SLC44A2: variants seen among roughly 807,000 people sequenced by gnomAD.
The protein encoded by SLC44A2 is choline transporter-like protein 2.
Under a neutral mutation model 90.8 loss-of-function variants are expected in SLC44A2, and 57 were observed. The observed-to-expected ratio is 0.63, with a 90% confidence interval of 0.51 to 0.78. SLC44A2 has a LOEUF of 0.78. Among genes scored for constraint, SLC44A2 ranks in the 30% least tolerant of loss-of-function variants. The probability of loss-of-function intolerance (pLI) is 0.00; values close to 1 mark genes in which losing one functional copy is unlikely to be tolerated. For synonymous variants in SLC44A2, 355 were observed against 360.7 expected (o/e 0.98, Z 0.18); for missense variants, 794 against 919.7 (o/e 0.86, Z 1.77).
At position 10,631,650 on chromosome 19, in the gene SLC44A2, T is replaced by G; in HGVS notation, c.527T>G (p.Ile176Ser). 8.7e-6 allele frequency: 14 copies of G among 1,613,756 alleles called. No individual in the cohort carries two copies. Among genetic ancestry groups the G allele is most frequent in the Non-Finnish European group, 1.2e-5 (14 of 1,180,030 alleles). Reference sequence around the variant, plus strand: ...GTGGCCCGGAGATGCTTCCCCGCTATCCACGCCTACAAGGGTGTCCTGATG... The same window carrying G: ...GTGGCCCGGAGATGCTTCCCCGCTAGCCACGCCTACAAGGGTGTCCTGATG... Reference protein sequence around the residue: ...KPLARRCFPAIHAYKGVLMVG... With the variant: ...KPLARRCFPASHAYKGVLMVG... Residue 176 changes from isoleucine (I) to serine (S), a missense_variant, in exon 8 of 22, where the codon ATC becomes AGC. This residue lies in a region of SLC44A2 where 738 missense variants were observed against 841.1 expected (regional missense o/e 0.88). Transcript: ENST00000335757.
chr19:10,643,080 C>A (rs954294428), intron 21 of SLC44A2, 199 bp from the exon 22 acceptor site: 27 of 1,452,428 alleles, frequency 1.9e-5, no homozygotes, highest in Admixed American at 2.7e-5. Flanking sequence ...GTGCATGAAG[C>A]GGGGGGGTTC....
intron 14 of SLC44A2, chr19:10,635,777 T>TC: frequency 3.1e-6 from 1 of 325,468 alleles, no homozygotes; most frequent in Non-Finnish European, 5.7e-6. Flanking sequence ...TACTTCCTTT[T>TC]TTTTTTTTTT....
At position 10,636,702 on chromosome 19, in the gene SLC44A2, G is replaced by T. The variant is rs755022042; in HGVS notation, c.1537G>T (p.Ala513Ser). 35 of 1,613,836 alleles carry T rather than the reference G, an allele frequency of 2.2e-5. No homozygotes were observed. The highest frequency in any genetic ancestry group is 3.3e-5 in the South Asian group (3 of 91,072). Residue 513 changes from alanine (A) to serine (S), a missense_variant, in exon 16 of 22, where the codon GCC (alanine) becomes TCC (serine). By Grantham distance (99) the Ala-to-Ser change is moderately conservative. Transcript: ENST00000335757. The part of the protein sequence containing the change: ...GSLAFGALIL[A>S]IVQIIRVILE... ...CCTGGCCTTTGGCGCGCTCATCCTG[G>T]CCATTGTGCAGATCATCCGTGTGAT...
intron 1 of SLC44A2, among the ~76,000 whole-genome samples, chr19:10,616,690 C>T (rs374226982): frequency 1.3e-5 from 2 of 152,032 alleles, no homozygotes; most frequent in African/African-American, 4.8e-5. Flanking sequence ...TATGGTGAAA[C>T]CCTGTCTCTA....
chr19:10,610,883 G>T (rs138023215), intron 1 of SLC44A2, among the ~76,000 whole-genome samples: 16 of 150,322 alleles, frequency 1.1e-4, no homozygotes, highest in Admixed American at 9.4e-4. Context: ...CAAGTGATCC[G>T]CTCGCCTCGG....
chr19:10,607,925 T>G (rs1918159855), intron 1 of SLC44A2, among the ~76,000 whole-genome samples: 1 of 151,096 alleles, frequency 6.6e-6, no homozygotes, highest in Admixed American at 6.6e-5. Flanking sequence ...CCCCGGCTAA[T>G]TTTTTGTATT....
At chr19:10,613,272 T>G (rs1175632401) in intron 1 of SLC44A2, among the ~76,000 whole-genome samples, 1 of 150,194 alleles carries the variant, frequency 6.7e-6, no homozygotes, top group Non-Finnish European at 1.5e-5. Context: ...TTTTTTGAGA[T>G]GGAGTCTTGC....
rs778036093 is a variant in SLC44A2 at position 10,632,089 on chromosome 19, G to A, written c.756G>A (p.Leu252=). The A allele has an allele frequency of 1.2e-5, 19 of 1,614,038 alleles. No individual in the cohort carries two copies. Among genetic ancestry groups the A allele is most frequent in the Non-Finnish European group, 1.6e-5 (19 of 1,180,032 alleles). Residue 252 remains leucine (L), a synonymous_variant, in exon 10 of 22, where the codon CTG becomes CTA. Transcript: ENST00000335757. ...AMAMSLLFII[L]LRFLAGIMVW... ...CGATGAGCCTCCTGTTCATCATCCTGCTTCGCTTCCTGGCTGGTATTATGG... is the reference window on the plus strand; with the variant it reads ...CGATGAGCCTCCTGTTCATCATCCTACTTCGCTTCCTGGCTGGTATTATGG...
At chr19:10,633,971 C>CTTTTTTT (rs1599252391) in intron 10 of SLC44A2, among the ~76,000 whole-genome samples, 5 of 45,982 alleles carry the variant, frequency 1.1e-4, no homozygotes, top group African/African-American at 3.3e-4. Flanking sequence ...AACCCCATCT[C>CTTTTTTT]TATTTTTTTT....
chr19:10,643,372 C>T lies in SLC44A2; in HGVS notation c.2108C>T (p.Ala703Val), dbSNP rs2067139024. The T allele has an allele frequency of 6.2e-7, 1 of 1,612,032 alleles. No individual in the cohort carries two copies. The highest frequency in any genetic ancestry group is 8.5e-7 in the Non-Finnish European group (1 of 1,178,922). ...CTCTTGAACAAGACCAACAAGAAGG[C>T]AGCGGAGTCCTGAAGGCCCCGTGCT... Reference protein sequence around the residue: ...KKLLNKTNKKAAES With the variant: ...KKLLNKTNKKVAES The change falls in exon 22 of 22, where the codon GCA becomes GTA. Residue 703 changes from alanine (A) to valine (V), a missense_variant. By Grantham distance (64) the Ala-to-Val change is moderately conservative (BLOSUM62 0). Around this residue, in one of 3 missense-constraint regions of SLC44A2, gnomAD observed 44 missense variants for 43.9 expected, o/e 1.00. Transcript: ENST00000335757.
In SLC44A2 at chr19:10,643,627, T is replaced by C. The variant is rs116639546; in HGVS notation, c.*242T>C. ...ACTGCGAGAAACAAGTAAAAACCCA[T>C]TGGGGCCTCTTGATGTCTGGGATGG... is the stretch of plus-strand genomic sequence containing the variant. On this transcript the variant is annotated 3_prime_UTR_variant, in exon 22 of 22. Transcript: ENST00000335757. The C allele has an allele frequency of 3.3e-3, 1,230 of 375,184 alleles. 9 individuals are homozygous for C. The highest frequency in any genetic ancestry group is 0.022 in the African/African-American group (1,045 of 47,728). 23.2% of individuals were successfully genotyped at this position (375,184 alleles called of 1,614,324 possible).
intron 1 of SLC44A2, among the ~76,000 whole-genome samples, chr19:10,618,171 AT>A (rs548727188): frequency 0.025 from 2,822 of 112,760 alleles, 96 homozygotes; most frequent in African/African-American, 0.092. Context: ...TGCCTGGCTA[AT>A]TTTTTTTTTT....
chr19:10,608,094 G>A (rs1918165784), intron 1 of SLC44A2, among the ~76,000 whole-genome samples: 1 of 151,868 alleles, frequency 6.6e-6, no homozygotes, highest in South Asian at 2.1e-4. Flanking sequence ...ATGGTGGCAT[G>A]CACCTGTAGT....
chr19:10,608,799 AG>A (rs1918194052), intron 1 of SLC44A2, among the ~76,000 whole-genome samples: 1 of 151,136 alleles, frequency 6.6e-6, no homozygotes, highest in African/African-American at 2.4e-5. Context: ...ACAAGATTCG[AG>A]TTACCGTGCC....
chr19:10,626,061 G>A (rs543282868), intron 1 of SLC44A2, among the ~76,000 whole-genome samples, 192 bp from the exon 2 acceptor site: 1 of 152,324 alleles, frequency 6.6e-6, no homozygotes, highest in Non-Finnish European at 1.5e-5. Context: ...TTCCTCCCCT[G>A]TCCTGGCCTG....
chr19:10,635,691 T>G, intron 14 of SLC44A2, 176 bp downstream of exon 14: 1 of 559,756 alleles, frequency 1.8e-6, no homozygotes, highest in Non-Finnish European at 3.1e-6. Context: ...ATCGAACAAC[T>G]TCCCAGGGCA....
At chr19:10,628,044 G>A (rs1470134340) in intron 4 of SLC44A2, 40 bp downstream of exon 4, 2 of 1,542,596 alleles carry the variant, frequency 1.3e-6, no homozygotes, top group Admixed American at 1.8e-5. Flanking sequence ...CTGGGGAAGA[G>A]GGGGCAGAAG....
Position 10,637,763 on chromosome 19 carries a change from A to AC in SLC44A2, c.1695+21dup. The AC allele has an allele frequency of 6.2e-7, 1 of 1,613,040 alleles. No homozygotes were observed. The highest frequency in any genetic ancestry group is 8.5e-7 in the Non-Finnish European group (1 of 1,179,362). On this transcript the variant is annotated intron_variant, in intron 17 of 21. Transcript: ENST00000335757. Reference sequence around the variant, plus strand: ...CTACATCATGGTGAGTGGGCCTGGGACCCCCAACCAACCCGCCAGCTCCTG... The same window carrying AC: ...CTACATCATGGTGAGTGGGCCTGGGACCCCCCAACCAACCCGCCAGCTCCTG...
chr19:10,606,173 A>C (rs2144799095), intron 1 of SLC44A2, among the ~76,000 whole-genome samples: 1 of 150,268 alleles, frequency 6.7e-6, no homozygotes, highest in Middle Eastern at 3.7e-3. Context: ...GTGGTGCTCA[A>C]CTGTATTCCA....
Sources: gnomAD v4.1 joint callset for allele counts (sites outside exome capture counted in the v4.1 genomes callset) on GRCh38, gnomAD v4.1.1 for gene constraint, gnomAD v4.1.1 regional missense constraint, MANE v1.5 for transcripts, NCBI Gene and HGNC (gene_info 2026-07-23, HGNC 2026-07-21) for gene names.